Variants in SEPHS1 observed in about 807,000 individuals in gnomAD.
The protein encoded by SEPHS1 is selenophosphate synthetase 1, also known as zincore component SEPHS1.
A neutral mutation model predicts 39.2 loss-of-function variants in SEPHS1; 7 were observed. That is an observed-to-expected ratio of 0.18 (90% CI 0.10 to 0.34). SEPHS1 has a LOEUF of 0.34. Ranked by LOEUF, SEPHS1 falls within the 10% of genes least tolerant of loss-of-function variation. The pLI, the probability that SEPHS1 is intolerant of heterozygous loss-of-function variation, is 1.00. For synonymous variants in SEPHS1, 190 were observed against 195.5 expected (o/e 0.97, Z 0.23); for missense variants, 253 against 514.5 (o/e 0.49, Z 4.92).
At chr10:13,333,620 T>C (rs1833534001) in intron 5 of SEPHS1, among the ~76,000 whole-genome samples, 197 bp downstream of exon 5, 1 of 151,972 alleles carries the variant, frequency 6.6e-6, no homozygotes. Context: ...TTTGTATTTT[T>C]AGTAGAGACA....
At chr10:13,342,795 G>A (rs1011649859) in intron 2 of SEPHS1, among the ~76,000 whole-genome samples, 2 of 151,694 alleles carry the variant, frequency 1.3e-5, no homozygotes, top group Admixed American at 6.6e-5. Context: ...CAGTACAGTG[G>A]TGTGACCTCA....
At chr10:13,322,709 A>C (rs942754923) in intron 8 of SEPHS1, 126 bp downstream of exon 8, 9 of 838,238 alleles carry the variant, frequency 1.1e-5, no homozygotes, top group Non-Finnish European at 1.7e-5. Context: ...GCTGCTGCGG[A>C]GGCCGAGGTC....
intron 7 of SEPHS1, among the ~76,000 whole-genome samples, chr10:13,325,141 C>T (rs1032052887): frequency 1.3e-5 from 2 of 152,176 alleles, no homozygotes; most frequent in South Asian, 2.1e-4. Context: ...TGTTTTTCAC[C>T]GAGCAGAAGT....
At chr10:13,328,265 C>G (rs1319671761) in intron 7 of SEPHS1, 86 bp downstream of exon 7, 1 of 948,964 alleles carries the variant, frequency 1.1e-6, no homozygotes, top group Non-Finnish European at 1.7e-6. Flanking sequence ...TGGCCACCTA[C>G]CCTGAGACAG....
chr10:13,322,573 C>T (rs1833148679), intron 8 of SEPHS1, among the ~76,000 whole-genome samples: 1 of 152,208 alleles, frequency 6.6e-6, no homozygotes, highest in African/African-American at 2.4e-5. Flanking sequence ...AAACTGAATG[C>T]TACCTTATTT....
chr10:13,319,393 C>A (rs774413235), intron 8 of SEPHS1, 37 bp from the exon 9 acceptor site: 2 of 1,602,730 alleles, frequency 1.2e-6, no homozygotes, highest in South Asian at 1.1e-5. Context: ...TTAGTGTTGA[C>A]ATGACAGCAG....
At chr10:13,324,687 T>G (rs749594265) in intron 7 of SEPHS1, among the ~76,000 whole-genome samples, 28 of 152,212 alleles carry the variant, frequency 1.8e-4, no homozygotes, top group Admixed American at 3.3e-4. Context: ...CACAGCTTAC[T>G]GCAGCCTCGA....
At chr10:13,328,292 C>T in intron 7 of SEPHS1, 59 bp downstream of exon 7, 3 of 1,200,526 alleles carry the variant, frequency 2.5e-6, no homozygotes, top group South Asian at 1.3e-5. Flanking sequence ...GCCAGAAAAG[C>T]CTAAGACATT....
rs775485871 is a variant in SEPHS1 at position 13,344,795 on chromosome 10, T to A, written c.156A>T (p.Glu52Asp). ...LESLQENHFQEDEQFLGAVMP... is the reference protein window; with the variant it reads ...LESLQENHFQDDEQFLGAVMP... ...TAACGGCTCCCAGAAACTGCTCATCTTCTTGGAAGTGGTTCTCCTGTAAAG... is the reference window on the plus strand; with the variant it reads ...TAACGGCTCCCAGAAACTGCTCATCATCTTGGAAGTGGTTCTCCTGTAAAG... The change falls in exon 2 of 9, where the codon GAA (glutamate) becomes GAT (aspartate). Residue 52 changes from glutamate (E) to aspartate (D), a missense_variant. This residue lies in a region of SEPHS1 where 123 missense variants were observed against 196.8 expected (regional missense o/e 0.62). Coordinates refer to ENST00000327347, the MANE Select transcript of SEPHS1 (RefSeq NM_012247.5). 10 of 1,568,176 alleles carry A rather than the reference T, an allele frequency of 6.4e-6. No homozygotes were observed. Among genetic ancestry groups the A allele is most frequent in the Non-Finnish European group, 8.7e-6 (10 of 1,153,480 alleles).
chr10:13,342,337 T>C (rs888909565), intron 2 of SEPHS1, among the ~76,000 whole-genome samples: 2 of 151,372 alleles, frequency 1.3e-5, no homozygotes, highest in African/African-American at 4.9e-5. Context: ...TCCCAGCACT[T>C]TGGGAGGCTG....
At chr10:13,333,283 A>G (rs1035301106) in intron 5 of SEPHS1, among the ~76,000 whole-genome samples, 2 of 148,188 alleles carry the variant, frequency 1.3e-5, no homozygotes, top group African/African-American at 5.0e-5. Flanking sequence ...ACAGGCATGT[A>G]CCATCATGCC....
intron 8 of SEPHS1, among the ~76,000 whole-genome samples, chr10:13,320,979 C>T (rs1407338204): frequency 2.6e-5 from 4 of 152,126 alleles, no homozygotes; most frequent in Admixed American, 2.6e-4. Flanking sequence ...AAAACCCTGC[C>T]CTGTTGGAGC....
intron 1 of SEPHS1, chr10:13,345,262 C>A: frequency 4.8e-6 from 1 of 209,280 alleles, no homozygotes; most frequent in Non-Finnish European, 9.4e-6. Context: ...TTAACTGTGG[C>A]AAGAGGGCCA....
chr10:13,347,243 GC>G (rs1444325003), intron 1 of SEPHS1: 3 of 151,732 alleles, frequency 2.0e-5, no homozygotes, highest in Non-Finnish European at 4.4e-5. Context: ...AGCGGGGTGG[GC>G]CCGGCGCGCT....
At chr10:13,342,777 C>T (rs1833832111) in intron 2 of SEPHS1, among the ~76,000 whole-genome samples, 1 of 151,672 alleles carries the variant, frequency 6.6e-6, no homozygotes, top group African/African-American at 2.4e-5. Context: ...ACTCTGTCTC[C>T]CAGGCCGCAG....
intron 7 of SEPHS1, 49 bp downstream of exon 7, chr10:13,328,300 ATT>A: frequency 7.8e-7 from 1 of 1,285,778 alleles, no homozygotes; most frequent in East Asian, 2.3e-5. Flanking sequence ...AGCCTAAGAC[ATT>A]TACTGTCTTG....
At chr10:13,347,979 C>G (rs900396159) in intron 1 of SEPHS1, 21 bp downstream of exon 1, 3 of 148,722 alleles carry the variant, frequency 2.0e-5, no homozygotes, top group Admixed American at 1.3e-4. Context: ...GCCTCCCCCC[C>G]GCGCCGGGCC....
At chr10:13,345,792 G>A (rs974164053) in intron 1 of SEPHS1, among the ~76,000 whole-genome samples, 18 of 152,198 alleles carry the variant, frequency 1.2e-4, no homozygotes, top group African/African-American at 4.3e-4. Context: ...CAAGAGAATC[G>A]CTTGAACCTG....
chr10:13,336,415 G>A (rs1265053926), intron 3 of SEPHS1, 65 bp from the exon 4 acceptor site: 3 of 1,174,566 alleles, frequency 2.6e-6, no homozygotes, highest in South Asian at 2.5e-5. Flanking sequence ...AACTGAGTGA[G>A]CCATGGAGTG....
Sources: allele counts gnomAD v4.1 joint callset (sites outside exome capture counted in the v4.1 genomes callset), GRCh38; gene constraint gnomAD v4.1.1; regional missense constraint gnomAD v4.1.1; transcripts MANE v1.5; gene names NCBI Gene and HGNC (gene_info 2026-07-23, HGNC 2026-07-21).